WASF2: variants seen among roughly 807,000 people sequenced by gnomAD.
WASF2 encodes the protein WASP family member 2.
A neutral mutation model predicts 45.0 loss-of-function variants in WASF2; 14 were observed. That is an observed-to-expected ratio of 0.31 (90% CI 0.21 to 0.49). WASF2 has a LOEUF of 0.49. WASF2 is among the 20% of genes least tolerant of loss of function. The probability of loss-of-function intolerance (pLI) is 0.99; values close to 1 mark genes in which losing one functional copy is unlikely to be tolerated. For missense variants in WASF2, 439 were observed against 636.1 expected, an observed-to-expected ratio of 0.69 and a Z score of 3.33; for synonymous variants, 200 against 236.3, an observed-to-expected ratio of 0.85 and a Z score of 1.41.
intron 6 of WASF2, among the ~76,000 whole-genome samples, chr1:27,413,294 A>G (rs115195687): frequency 0.011 from 1,602 of 152,320 alleles, 9 homozygotes; most frequent in Non-Finnish European, 0.018. Context: ...GCTGACGATT[A>G]AAGTAGCGTG....
chr1:27,413,802 G>C (rs2016794994), intron 6 of WASF2, among the ~76,000 whole-genome samples: 1 of 152,208 alleles, frequency 6.6e-6, no homozygotes, highest in Non-Finnish European at 1.5e-5. Context: ...GAACAGGATT[G>C]GTCCGTGGAA....
intron 1 of WASF2, among the ~76,000 whole-genome samples, chr1:27,437,632 A>C (rs2017154609): frequency 6.6e-6 from 1 of 152,196 alleles, no homozygotes; most frequent in Admixed American, 6.5e-5. Flanking sequence ...TTCCCAATCT[A>C]ATGCCAATTT....
In WASF2 at chr1:27,456,316, T is replaced by TGA. The variant is rs1491398791; in HGVS notation, c.-43-27384_-43-27383insTC. Among the ~76,000 whole-genome samples, 27 of 95,328 alleles carry TGA rather than the reference T, an allele frequency of 2.8e-4. 1 individual carries two copies. Among genetic ancestry groups the TGA allele is most frequent in the Middle Eastern group, 4.4e-3 (1 of 226 alleles). The allele number at this position is 95,328 out of a possible 152,430, so 62.5% of individuals were successfully genotyped here. A position where few individuals can be genotyped will look rare whatever the true frequency, so the allele number is the denominator to read the frequency against. On this transcript the variant is annotated intron_variant, in intron 1 of 8. Transcript: ENST00000618852. Reference sequence around the variant, plus strand: ...TATCCTGGGCTACAGAGCGAGACTCTAAAAAAAAAAAAAAAAAAAAAACAA... The same window carrying TGA: ...TATCCTGGGCTACAGAGCGAGACTCTGAAAAAAAAAAAAAAAAAAAAAAACAA...
intron 1 of WASF2, among the ~76,000 whole-genome samples, chr1:27,470,091 AAGTGTACAGAC>A (rs1420839750): frequency 6.6e-6 from 1 of 152,228 alleles, no homozygotes; most frequent in Non-Finnish European, 1.5e-5. Context: ...ATTATATCTG[AAGTGTACAGAC>A]AGTGTCAGCA....
At chr1:27,433,629 G>A (rs2017095027) in intron 1 of WASF2, among the ~76,000 whole-genome samples, 1 of 152,206 alleles carries the variant, frequency 6.6e-6, no homozygotes, top group Non-Finnish European at 1.5e-5. Context: ...TTCACAGGCT[G>A]AGAAGGAGAA....
chr1:27,447,203 T>G (rs1396832462), intron 1 of WASF2, among the ~76,000 whole-genome samples: 1 of 152,160 alleles, frequency 6.6e-6, no homozygotes, highest in Non-Finnish European at 1.5e-5. Flanking sequence ...ATATTTACAT[T>G]AACACAGAAC....
intron 1 of WASF2, among the ~76,000 whole-genome samples, chr1:27,447,741 AAAT>A (rs926281266): frequency 1.3e-5 from 2 of 152,222 alleles, no homozygotes; most frequent in Non-Finnish European, 2.9e-5. Context: ...CATTAAAAGA[AAAT>A]AAGAAGTAAT....
chr1:27,421,321 C>T (rs3004059), intron 2 of WASF2, among the ~76,000 whole-genome samples: 149,739 of 152,316 alleles, frequency 0.98, 73,649 homozygotes, highest in Middle Eastern at 1. Flanking sequence ...GTTTGGAAGG[C>T]TGAAACAGAG....
At chr1:27,454,929 A>C (rs2017447892) in intron 1 of WASF2, among the ~76,000 whole-genome samples, 1 of 151,928 alleles carries the variant, frequency 6.6e-6, no homozygotes, top group African/African-American at 2.4e-5. Flanking sequence ...GTTGCTATGG[A>C]TGTTTTTGTA....
intron 2 of WASF2, among the ~76,000 whole-genome samples, chr1:27,419,388 G>A (rs2016871345): frequency 6.6e-6 from 1 of 152,182 alleles, no homozygotes; most frequent in African/African-American, 2.4e-5. Context: ...AATTAAGCCT[G>A]GAAGAAAAGA....
chr1:27,430,870 A>C (rs2148113075), intron 1 of WASF2, among the ~76,000 whole-genome samples: 1 of 152,260 alleles, frequency 6.6e-6, no homozygotes, highest in African/African-American at 2.4e-5. Flanking sequence ...ATACCAGCTC[A>C]TCACCAAAAC....
intron 1 of WASF2, among the ~76,000 whole-genome samples, chr1:27,434,225 C>T (rs926199706): frequency 6.6e-6 from 1 of 152,116 alleles, no homozygotes; most frequent in Non-Finnish European, 1.5e-5. Flanking sequence ...CTATCAGGCA[C>T]GTTGGGGGAG....
At chr1:27,416,587 G>A (rs371974077) in intron 4 of WASF2, among the ~76,000 whole-genome samples, 5 of 152,204 alleles carry the variant, frequency 3.3e-5, no homozygotes, top group Admixed American at 6.5e-5. Context: ...ACATATATAC[G>A]TGAAAAGTGT....
At chr1:27,428,242 G>T (rs1245625628) in intron 2 of WASF2, among the ~76,000 whole-genome samples, 1 of 152,170 alleles carries the variant, frequency 6.6e-6, no homozygotes, top group African/African-American at 2.4e-5. Context: ...ATGTGTACCA[G>T]GGTGGACAAG....
intron 1 of WASF2, among the ~76,000 whole-genome samples, chr1:27,446,826 C>T (rs566076684): frequency 2.0e-4 from 31 of 151,548 alleles, no homozygotes; most frequent in Non-Finnish European, 3.7e-4. Context: ...GTACAGTAGC[C>T]GGAACTTTCC....
chr1:27,441,443 C>G (rs982391323), intron 1 of WASF2, among the ~76,000 whole-genome samples: 1 of 149,732 alleles, frequency 6.7e-6, no homozygotes, highest in African/African-American at 2.5e-5. Context: ...GCTTGGCCAA[C>G]AGAGTGAAAC....
chr1:27,479,952 A>AT (rs2148144272), intron 1 of WASF2, among the ~76,000 whole-genome samples: 1 of 152,356 alleles, frequency 6.6e-6, no homozygotes, highest in East Asian at 1.9e-4. Flanking sequence ...GTGGAGCACT[A>AT]TGCTTTGCAA....
At chr1:27,413,542 C>T (rs1242807723) in intron 6 of WASF2, among the ~76,000 whole-genome samples, 1 of 152,142 alleles carries the variant, frequency 6.6e-6, no homozygotes, top group Non-Finnish European at 1.5e-5. Context: ...TCAAAAGATG[C>T]TCTGATGTGG....
intron 1 of WASF2, among the ~76,000 whole-genome samples, chr1:27,487,881 A>T (rs1467019455): frequency 6.7e-6 from 1 of 149,470 alleles, no homozygotes; most frequent in Non-Finnish European, 1.5e-5. Flanking sequence ...ACTCAATAAA[A>T]TGCTCTGATT....
Sources: allele counts gnomAD v4.1 joint callset (sites outside exome capture counted in the v4.1 genomes callset), GRCh38; gene constraint gnomAD v4.1.1; transcripts MANE v1.5; gene names NCBI Gene and HGNC (gene_info 2026-07-23, HGNC 2026-07-21).